Variants in ENTPD3 observed in about 807,000 individuals in gnomAD.
ENTPD3 encodes the protein CD39 antigen-like 3.
ENTPD3 carries 60 observed loss-of-function variants against 51.2 expected under a neutral mutation model. The observed-to-expected ratio is 1.17, with a 90% confidence interval of 0.95 to 1.45. The LOEUF is 1.45. ENTPD3 is among the 40% of genes most tolerant of loss of function. The pLI, the probability that ENTPD3 is intolerant of heterozygous loss-of-function variation, is 0.00. For synonymous variants in ENTPD3, 221 were observed against 238.4 expected (o/e 0.93, Z 0.67); for missense variants, 593 against 641.1 (o/e 0.93, Z 0.81).
chr3:40,390,422 G>A (rs1034177860), intron 2 of ENTPD3, among the ~76,000 whole-genome samples: 5 of 152,028 alleles, frequency 3.3e-5, no homozygotes, highest in East Asian at 1.9e-4. Context: ...GGCATCTAAC[G>A]CCTGGCCTCA....
At chr3:40,405,500 A>C (rs1256190746) in intron 4 of ENTPD3, among the ~76,000 whole-genome samples, 1 of 126,898 alleles carries the variant, frequency 7.9e-6, no homozygotes, top group Non-Finnish European at 1.6e-5. Context: ...GCGAGACTTC[A>C]TTTCAAAAAA....
intron 10 of ENTPD3, chr3:40,424,871 A>T: frequency 2.9e-6 from 2 of 684,106 alleles, no homozygotes; most frequent in Non-Finnish European, 2.7e-6. Flanking sequence ...TAGGCCTCTG[A>T]CTATCTACTT....
chr3:40,398,306 G>T (rs1335828724), intron 3 of ENTPD3, among the ~76,000 whole-genome samples: 1 of 152,166 alleles, frequency 6.6e-6, no homozygotes. Context: ...TTGGAATAAA[G>T]ATTTGAGGAA....
intron 3 of ENTPD3, chr3:40,399,532 T>G (rs1157484604): frequency 6.6e-6 from 1 of 152,174 alleles, no homozygotes; most frequent in Non-Finnish European, 1.5e-5. Context: ...CAGACCCAAC[T>G]TCATCATCTT....
chr3:40,415,321 C>G (rs1388900183), intron 6 of ENTPD3, among the ~76,000 whole-genome samples: 5 of 152,124 alleles, frequency 3.3e-5, no homozygotes, highest in Admixed American at 2.0e-4. Flanking sequence ...AAAGTTGACT[C>G]CAAGAGACAA....
At chr3:40,425,841 T>C (rs1415713825) in intron 10 of ENTPD3, among the ~76,000 whole-genome samples, 1 of 144,248 alleles carries the variant, frequency 6.9e-6, no homozygotes, top group East Asian at 2.1e-4. Flanking sequence ...GAGGTTGCAG[T>C]GAGCCGAGAT....
intron 7 of ENTPD3, 67 bp downstream of exon 7, chr3:40,416,140 C>A: frequency 8.6e-7 from 1 of 1,166,696 alleles, no homozygotes; most frequent in South Asian, 1.3e-5. Flanking sequence ...GGAGAATGCC[C>A]TGCCTTCTGG....
intron 7 of ENTPD3, among the ~76,000 whole-genome samples, chr3:40,419,073 G>C (rs1955806858): frequency 1.3e-5 from 2 of 152,150 alleles, no homozygotes; most frequent in African/African-American, 4.8e-5. Context: ...ACACTTTCCA[G>C]GTCAGTATAT....
At chr3:40,412,603 A>G (rs1955660472) in intron 5 of ENTPD3, among the ~76,000 whole-genome samples, 1 of 152,208 alleles carries the variant, frequency 6.6e-6, no homozygotes, top group Non-Finnish European at 1.5e-5. Flanking sequence ...CCAAACTTAA[A>G]TCTACTCAGA....
At chr3:40,422,376 C>CT (rs1349919646) in intron 7 of ENTPD3, among the ~76,000 whole-genome samples, 7 of 135,424 alleles carry the variant, frequency 5.2e-5, no homozygotes, top group African/African-American at 1.9e-4. Context: ...TATTATTATA[C>CT]TTTAAGTTTT....
chr3:40,416,116 G>C (rs1358316481), intron 7 of ENTPD3, 43 bp downstream of exon 7: 3 of 1,454,724 alleles, frequency 2.1e-6, no homozygotes, highest in Non-Finnish European at 2.9e-6. Flanking sequence ...TTCTCTTGAG[G>C]GTTTGAGCTG....
chr3:40,410,980 A>G (rs1003954410), intron 4 of ENTPD3, among the ~76,000 whole-genome samples: 6 of 152,186 alleles, frequency 3.9e-5, no homozygotes, highest in Admixed American at 1.3e-4. Context: ...ATGACTGGAT[A>G]GTTAATGATA....
chr3:40,423,756 T>A, intron 9 of ENTPD3, 70 bp from the exon 10 acceptor site: 1 of 1,567,750 alleles, frequency 6.4e-7, no homozygotes, highest in Non-Finnish European at 8.7e-7. Context: ...AAAACATGAC[T>A]TTTAACCCAA....
At chr3:40,394,863 C>T (rs1408554618) in intron 3 of ENTPD3, among the ~76,000 whole-genome samples, 3 of 152,218 alleles carry the variant, frequency 2.0e-5, no homozygotes, top group Admixed American at 6.5e-5. Flanking sequence ...CTGGGCCCCA[C>T]ATTTCAGAAG....
At chr3:40,391,724 T>TAGAAAAGAAAAGAAAAAGAAAAA (rs1955060167) in intron 2 of ENTPD3, 2 of 404,402 alleles carry the variant, frequency 4.9e-6, no homozygotes, top group Admixed American at 9.1e-5. Flanking sequence ...ACAAATGTTA[T>TAGAAAAGAAAAGAAAAAGAAAAA]TGTAATTCAT....
chr3:40,397,644 A>C (rs1392253191), intron 3 of ENTPD3, among the ~76,000 whole-genome samples: 1 of 152,172 alleles, frequency 6.6e-6, no homozygotes. Context: ...ATAATAAACA[A>C]ATCTAAGAAA....
At chr3:40,411,292 GA>G (rs773251760) in intron 4 of ENTPD3, among the ~76,000 whole-genome samples, 72 of 80,228 alleles carry the variant, frequency 9.0e-4, no homozygotes, top group Admixed American at 1.1e-3. Flanking sequence ...CTCTGTCTCA[GA>G]AAAAAAAAAA....
At chr3:40,389,936 T>C (rs1316548092) in intron 2 of ENTPD3, among the ~76,000 whole-genome samples, 1 of 152,240 alleles carries the variant, frequency 6.6e-6, no homozygotes, top group Non-Finnish European at 1.5e-5. Context: ...TGCTGTTCAA[T>C]TGATCTTCCT....
In ENTPD3 at chr3:40,409,762, T is replaced by C. The variant is rs964820538; in HGVS notation, c.287-2050T>C. ...ACTTATTTAAACTCAGAGCCTGGACTGGGAGAACAAATTAAGTTATGTTCA... is the reference window on the plus strand; with the variant it reads ...ACTTATTTAAACTCAGAGCCTGGACCGGGAGAACAAATTAAGTTATGTTCA... On this transcript the variant is annotated intron_variant, in intron 4 of 10. Coordinates refer to ENST00000301825, the MANE Select transcript of ENTPD3 (RefSeq NM_001248.4). Among the ~76,000 whole-genome samples, 45 of 152,166 alleles carry C rather than the reference T, an allele frequency of 3.0e-4. 1 individual carries two copies. The highest frequency in any genetic ancestry group is 1.1e-3 in the African/African-American group (44 of 41,426).
Sources: allele counts gnomAD v4.1 joint callset (sites outside exome capture counted in the v4.1 genomes callset), GRCh38; gene constraint gnomAD v4.1.1; transcripts MANE v1.5; gene names NCBI Gene and HGNC (gene_info 2026-07-23, HGNC 2026-07-21).